The following CUL3 variants were observed in gnomAD, a reference collection of about 807,000 sequenced individuals.
CUL3 encodes the protein cullin 3, also known as cullin-3.
A neutral mutation model predicts 89.1 loss-of-function variants in CUL3; 19 were observed. The ratio of observed to expected loss-of-function variants is 0.21; its 90% CI spans 0.15 to 0.31. The LOEUF is 0.31. Ranked by LOEUF, CUL3 falls within the 10% of genes least tolerant of loss-of-function variation. The pLI is 1.00. For missense variants in CUL3, 469 were observed against 942.3 expected (o/e 0.50, Z 6.58); for synonymous variants, 351 against 308.4 (o/e 1.14, Z -1.45).
At chr2:224,475,697 A>G (rs1400264040) in intron 15 of CUL3, among the ~76,000 whole-genome samples, 7 of 152,080 alleles carry the variant, frequency 4.6e-5, no homozygotes, top group Admixed American at 1.3e-4. Context: ...GCCTATTAAC[A>G]GCTCCTATCG....
chr2:224,495,963 C>T lies in CUL3; in HGVS notation c.1711G>A (p.Asp571Asn), dbSNP rs2106180386. The T allele has an allele frequency of 6.2e-7, 1 of 1,606,950 alleles. No individual in the cohort carries two copies. The highest frequency in any genetic ancestry group is 2.2e-5 in the East Asian group (1 of 44,830). The change falls in exon 13 of 16, where the codon GAT (aspartate) becomes AAT (asparagine). Residue 571 changes from aspartate to asparagine, a missense_variant. Asp to Asn is a conservative substitution (Grantham distance 23, BLOSUM62 1). Coordinates refer to ENST00000264414, the MANE Select transcript of CUL3 (RefSeq NM_003590.5). Reference sequence around the variant, plus strand: ...CCTCCAACACCAACTTCAGATCCATCTTCCTGTTTCATTTTTAAAAAAATA... The same window carrying T: ...CCTCCAACACCAACTTCAGATCCATTTTCCTGTTTCATTTTTAAAAAAATA... Reference protein sequence around the residue: ...ATFYGPVKKEDGSEVGVGGAQ... With the variant: ...ATFYGPVKKENGSEVGVGGAQ...
intron 1 of CUL3, among the ~76,000 whole-genome samples, chr2:224,570,919 T>C (rs887803952): frequency 7.9e-5 from 12 of 152,232 alleles, no homozygotes; most frequent in Admixed American, 7.9e-4. Context: ...CAGATTAGCC[T>C]ATTTAAGTCC....
At chr2:224,527,086 T>C (rs1693509270) in intron 3 of CUL3, among the ~76,000 whole-genome samples, 1 of 152,070 alleles carries the variant, frequency 6.6e-6, no homozygotes, top group African/African-American at 2.4e-5. Flanking sequence ...CTATAAAAAT[T>C]AGAGCACAAA....
intron 6 of CUL3, among the ~76,000 whole-genome samples, chr2:224,509,955 TG>T (rs770305143): frequency 7.2e-5 from 11 of 152,218 alleles, no homozygotes; most frequent in Non-Finnish European, 1.6e-4. Context: ...GAACTAAGGA[TG>T]GTTTTCACAT....
rs5839067 is a variant in CUL3 at position 224,490,710 on chromosome 2, G to GAA, written c.1842+5120_1842+5121dup. ...TGCACATACATCCCAGAGCTTTAAA[G>GAA]AAAAAAAAAAAAAAGACATTTATCA... On this transcript the variant is annotated intron_variant, in intron 13 of 15. Coordinates refer to ENST00000264414, the MANE Select transcript of CUL3 (RefSeq NM_003590.5). Among the ~76,000 whole-genome samples the GAA allele has an allele frequency of 5.6e-3, 800 of 142,792 alleles. 12 individuals carry two copies. The highest frequency in any genetic ancestry group is 0.019 in the African/African-American group (733 of 38,600). 93.7% of individuals were successfully genotyped at this position (142,792 alleles called of 152,430 possible).
At chr2:224,512,223 G>A (rs1027709827) in intron 5 of CUL3, among the ~76,000 whole-genome samples, 2 of 151,868 alleles carry the variant, frequency 1.3e-5, no homozygotes, top group Admixed American at 6.6e-5. Context: ...AGCCTCCCGA[G>A]TAGCTGGGAC....
At chr2:224,552,179 G>A (rs1056236163) in intron 2 of CUL3, among the ~76,000 whole-genome samples, 10 of 152,034 alleles carry the variant, frequency 6.6e-5, no homozygotes, top group South Asian at 4.1e-4. Flanking sequence ...TATTCTAAAC[G>A]TCTTTAAATC....
At chr2:224,500,813 G>A (rs191119527) in intron 10 of CUL3, among the ~76,000 whole-genome samples, 23 of 151,700 alleles carry the variant, frequency 1.5e-4, no homozygotes, top group Non-Finnish European at 2.5e-4. Flanking sequence ...TAGTAGAGAC[G>A]GGGTTTCTCC....
At chr2:224,558,424 CT>C (rs1452860560) in intron 1 of CUL3, among the ~76,000 whole-genome samples, 1 of 152,176 alleles carries the variant, frequency 6.6e-6, no homozygotes, top group African/African-American at 2.4e-5. Flanking sequence ...ATTATGACTG[CT>C]TCCTATTCCA....
At chr2:224,501,131 A>G (rs1243154504) in intron 10 of CUL3, among the ~76,000 whole-genome samples, 1 of 152,204 alleles carries the variant, frequency 6.6e-6, no homozygotes, top group Non-Finnish European at 1.5e-5. Context: ...GGTCAATTAT[A>G]TCATTTTAGA....
intron 2 of CUL3, among the ~76,000 whole-genome samples, chr2:224,542,495 T>TTG (rs10590934): frequency 3.7e-3 from 563 of 150,300 alleles, no homozygotes; most frequent in East Asian, 8.9e-3. Flanking sequence ...TTCTGGCTTT[T>TTG]TGTGTGTGTG....
intron 11 of CUL3, among the ~76,000 whole-genome samples, chr2:224,498,132 GTTC>G (rs1042772804): frequency 1.8e-4 from 27 of 152,264 alleles, no homozygotes; most frequent in African/African-American, 6.5e-4. Flanking sequence ...AGCCCTTGCT[GTTC>G]TTAAGACCAC....
At chr2:224,500,239 C>T in intron 11 of CUL3, 124 bp downstream of exon 11, 4 of 1,172,048 alleles carry the variant, frequency 3.4e-6, no homozygotes, top group East Asian at 2.4e-5. Context: ...ATAAATGCTC[C>T]TTTTGATCAC....
chr2:224,496,045 G>T, intron 12 of CUL3, 79 bp from the exon 13 acceptor site: 2 of 1,417,160 alleles, frequency 1.4e-6, no homozygotes, highest in Non-Finnish European at 2.0e-6. Flanking sequence ...ACGTACATAT[G>T]TATGTTACAG....
Position 224,584,954 on chromosome 2 carries a change from C to A in CUL3, c.56G>T (p.Arg19Leu). 6.7e-7 allele frequency: 1 copy of A among 1,500,584 alleles called. No homozygotes were observed. The allele number at this position is 1,500,584 out of a possible 1,614,324, so 93.0% of individuals were successfully genotyped here. Residue 19 changes from arginine (R) to leucine (L), a missense_variant, in exon 1 of 16, where the codon CGG becomes CTG. Physicochemically the swap from Arg to Leu is moderately radical, Grantham distance 102. Transcript: ENST00000264414. The stretch of plus-strand genomic sequence containing the variant: ...CGAGGAGAGACTCACCGGAAAGGCC[C>A]GGATCCGCATCTTGGTGTCCTTCCG... ...GSRKDTKMRI[R>L]AFPMTMDEKY...
At position 224,500,679 on chromosome 2, in the gene CUL3, G is replaced by A. The variant is rs568173425; in HGVS notation, c.1486-192C>T. Among the ~76,000 whole-genome samples the A allele has an allele frequency of 4.1e-4, 59 of 143,658 alleles. 1 individual carries two copies. In the Admixed American group the frequency reaches 4.2e-3, roughly 10 times the overall value. 94.2% of individuals were successfully genotyped at this position (143,658 alleles called of 152,430 possible). On this transcript the variant is annotated intron_variant, in intron 10 of 15. Coordinates refer to ENST00000264414, the MANE Select transcript of CUL3 (RefSeq NM_003590.5). The stretch of plus-strand genomic sequence containing the variant: ...TTTCGCTCGTTGCCCAGGCCGGAAT[G>A]CAATGGCACGATCTCGGCTCACTGC...
intron 1 of CUL3, among the ~76,000 whole-genome samples, chr2:224,573,263 ATACT>A (rs1333881479): frequency 3.9e-5 from 6 of 152,320 alleles, no homozygotes; most frequent in South Asian, 2.1e-4. Context: ...TGCTAAGTAT[ATACT>A]TAAATTTCTA....
intron 1 of CUL3, among the ~76,000 whole-genome samples, chr2:224,568,759 G>A (rs1336664526): frequency 6.6e-6 from 1 of 152,226 alleles, no homozygotes; most frequent in East Asian, 1.9e-4. Flanking sequence ...TTCAGAAGCA[G>A]ATCAATAAGC....
chr2:224,482,109 C>G, intron 13 of CUL3, 31 bp from the exon 14 acceptor site: 1 of 1,546,592 alleles, frequency 6.5e-7, no homozygotes, highest in Non-Finnish European at 8.7e-7. Context: ...CATAATTAGA[C>G]TTTTTGAAAG....
Sources: gnomAD v4.1 joint callset for allele counts (sites outside exome capture counted in the v4.1 genomes callset) on GRCh38, gnomAD v4.1.1 for gene constraint, MANE v1.5 for transcripts, NCBI Gene and HGNC (gene_info 2026-07-23, HGNC 2026-07-21) for gene names.